Variants in TAFA2 observed in about 807,000 individuals in gnomAD.
TAFA2 encodes TAFA chemokine like family member 2.
A neutral mutation model predicts 18.8 loss-of-function variants in TAFA2; 7 were observed. That is an observed-to-expected ratio of 0.37 (90% confidence interval 0.21 to 0.70). TAFA2 has a LOEUF of 0.70. Ranked by LOEUF, TAFA2 falls within the 30% of genes least tolerant of loss-of-function variation. TAFA2 has a pLI of 0.53. For synonymous variants in TAFA2, 60 were observed against 54.2 expected (o/e 1.11, Z -0.47); for missense variants, 122 against 158.1 (o/e 0.77, Z 1.23).
chr12:62,159,256 C>T (rs2062391000), intron 1 of TAFA2, among the ~76,000 whole-genome samples: 2 of 152,164 alleles, frequency 1.3e-5, no homozygotes, highest in Admixed American at 1.3e-4. Flanking sequence ...ATAAAACAAA[C>T]ACAAGTAACT....
intron 2 of TAFA2, among the ~76,000 whole-genome samples, chr12:61,771,994 GGAAAA>G (rs1388584619): frequency 2.0e-5 from 3 of 150,864 alleles, no homozygotes; most frequent in Non-Finnish European, 4.4e-5. Flanking sequence ...AGATTAAATA[GGAAAA>G]GAAGAGAGAA....
At position 62,011,099 on chromosome 12, in the gene TAFA2, G is replaced by A. The variant is rs187569272; in HGVS notation, c.-1-143673C>T. The stretch of plus-strand genomic sequence containing the variant: ...TGGGAGGTGGGGAGCGCCTCTGCCC[G>A]GCCACCCATCGTCTGGGATGTGAGG... On this transcript the variant is annotated intron_variant, in intron 1 of 4. Transcript: ENST00000416284. Among the ~76,000 whole-genome samples, 346 of 146,728 alleles carry A rather than the reference G, an allele frequency of 2.4e-3. 6 individuals carry two copies. The highest frequency in any genetic ancestry group is 8.0e-3 in the African/African-American group (314 of 39,380).
intron 4 of TAFA2, among the ~76,000 whole-genome samples, chr12:61,711,444 G>C (rs1261900917): frequency 1.3e-5 from 2 of 151,946 alleles, no homozygotes; most frequent in African/African-American, 4.8e-5. Context: ...TCTTTTCTAG[G>C]AATGGCTAAA....
At chr12:61,952,228 ACT>A (rs1878494299) in intron 1 of TAFA2, among the ~76,000 whole-genome samples, 1 of 151,610 alleles carries the variant, frequency 6.6e-6, no homozygotes, top group African/African-American at 2.4e-5. Context: ...TACACCACAG[ACT>A]CTCTGATGTA....
At chr12:61,851,818 A>C (rs1312091274) in intron 2 of TAFA2, among the ~76,000 whole-genome samples, 9 of 114,978 alleles carry the variant, frequency 7.8e-5, no homozygotes, top group Admixed American at 9.8e-5. Flanking sequence ...AAAAAAAAAA[A>C]CATGTTCTAA....
chr12:62,056,280 C>T (rs1882186098), intron 1 of TAFA2, among the ~76,000 whole-genome samples: 1 of 152,150 alleles, frequency 6.6e-6, no homozygotes, highest in African/African-American at 2.4e-5. Flanking sequence ...CTCCCTTCTT[C>T]AATTTAGCAA....
intron 1 of TAFA2, among the ~76,000 whole-genome samples, chr12:62,002,454 C>T (rs1880410496): frequency 1.3e-5 from 2 of 152,132 alleles, no homozygotes; most frequent in African/African-American, 2.4e-5. Context: ...AAGTGAGGTG[C>T]ACTCTTTGCT....
In TAFA2 at chr12:61,879,345, T is replaced by C. The variant is rs1875008569; in HGVS notation, c.-1-11919A>G. 13 of 686,448 alleles carry C rather than the reference T, an allele frequency of 1.9e-5. No homozygotes were observed. The South Asian group carries it at 2.1e-4, about 11-fold the overall frequency. The allele number at this position is 686,448 out of a possible 1,614,324, so 42.5% of individuals were successfully genotyped here. The stretch of plus-strand genomic sequence containing the variant: ...GTCCATCAAGGTGATCCAGAAGTCC[T>C]ACAAGGTATCCACCTCTGGCCCCCG... On this transcript the variant is annotated intron_variant, in intron 1 of 4. Transcript: ENST00000416284.
At chr12:62,227,719 T>G (rs1301970968) in intron 1 of TAFA2, among the ~76,000 whole-genome samples, 1 of 152,230 alleles carries the variant, frequency 6.6e-6, no homozygotes. Context: ...CTGAAGCGTT[T>G]CCCAAAGTTT....
At chr12:61,739,080 T>C (rs149562961) in intron 4 of TAFA2, among the ~76,000 whole-genome samples, 1 of 152,134 alleles carries the variant, frequency 6.6e-6, no homozygotes, top group Non-Finnish European at 1.5e-5. Context: ...ATGTGAGAAA[T>C]CTATGTGGCA....
chr12:62,022,495 T>G (rs1162531780), intron 1 of TAFA2, among the ~76,000 whole-genome samples: 2 of 152,188 alleles, frequency 1.3e-5, no homozygotes, highest in Middle Eastern at 3.2e-3. Flanking sequence ...ATAATAATAA[T>G]AACAATAATA....
At chr12:61,969,755 C>T (rs1409588977) in intron 1 of TAFA2, among the ~76,000 whole-genome samples, 1 of 151,576 alleles carries the variant, frequency 6.6e-6, no homozygotes, top group Admixed American at 6.6e-5. Flanking sequence ...ATTGAAGGAT[C>T]ATAGAACTCA....
At chr12:61,724,746 T>C (rs951640207) in intron 4 of TAFA2, among the ~76,000 whole-genome samples, 2 of 129,378 alleles carry the variant, frequency 1.5e-5, no homozygotes, top group South Asian at 2.8e-4. Flanking sequence ...TTCCATGGTA[T>C]GTCTATGTGT....
chr12:62,228,258 C>T lies in TAFA2; in HGVS notation c.-130+30505G>A, dbSNP rs73133492. Reference sequence around the variant, plus strand: ...GTCCATGTGTACGGAATGTTTAGCTCCCACTTATAAGTCAGAACATGCAGT... The same window carrying T: ...GTCCATGTGTACGGAATGTTTAGCTTCCACTTATAAGTCAGAACATGCAGT... On this transcript the variant is annotated intron_variant, in intron 1 of 5. Transcript: ENST00000551619. Among the ~76,000 whole-genome samples, 731 of 152,200 alleles carry T rather than the reference C, an allele frequency of 4.8e-3. 3 individuals carry two copies. Among genetic ancestry groups the T allele is most frequent in the Admixed American group, 8.8e-3 (134 of 15,276 alleles).
In TAFA2 at chr12:62,255,369, A is replaced by G. The variant is rs564553681; in HGVS notation, c.-130+3394T>C. On this transcript the variant is annotated intron_variant, in intron 1 of 5. Coordinates refer to the TAFA2 transcript ENST00000551619. Reference sequence around the variant, plus strand: ...ATAAAGTAGGCAGATTTTTCCTACTATGAACCTTGATTTTATCTATATCAC... The same window carrying G: ...ATAAAGTAGGCAGATTTTTCCTACTGTGAACCTTGATTTTATCTATATCAC... The G allele has an allele frequency of 4.6e-5, 7 of 152,318 alleles. No individual in the cohort carries two copies. The South Asian group carries it at 1.4e-3, about 32-fold the overall frequency. 9.4% of individuals were successfully genotyped at this position (152,318 alleles called of 1,614,324 possible). A position where few individuals can be genotyped will look rare whatever the true frequency, so the allele number is the denominator to read the frequency against.
At chr12:62,078,831 G>T (rs1868277197) in intron 1 of TAFA2, among the ~76,000 whole-genome samples, 1 of 152,078 alleles carries the variant, frequency 6.6e-6, no homozygotes, top group African/African-American at 2.4e-5. Flanking sequence ...ATATTTATCT[G>T]AACTACAGTG....
intron 1 of TAFA2, among the ~76,000 whole-genome samples, chr12:62,054,920 C>T (rs1312367988): frequency 1.3e-5 from 2 of 152,136 alleles, no homozygotes. Flanking sequence ...GATTAAAGAA[C>T]AGAAATTAGT....
intron 4 of TAFA2, among the ~76,000 whole-genome samples, chr12:61,730,301 G>A (rs1260773148): frequency 6.6e-6 from 1 of 152,096 alleles, no homozygotes; most frequent in Non-Finnish European, 1.5e-5. Context: ...TTCTTCCTCG[G>A]AGCAGGGTTG....
intron 2 of TAFA2, among the ~76,000 whole-genome samples, chr12:61,792,553 A>G (rs1013334634): frequency 1.3e-5 from 2 of 151,664 alleles, no homozygotes; most frequent in African/African-American, 4.8e-5. Context: ...AAAGAAATTA[A>G]CTATAAATAT....
Sources: allele counts gnomAD v4.1 joint callset (sites outside exome capture counted in the v4.1 genomes callset), GRCh38; gene constraint gnomAD v4.1.1; transcripts MANE v1.5; gene names NCBI Gene and HGNC (gene_info 2026-07-23, HGNC 2026-07-21).